Variants in ARFGEF3 observed in about 807,000 individuals in gnomAD.
ARFGEF3 encodes the protein brefeldin A-inhibited guanine nucleotide-exchange protein 3.
Under a neutral mutation model 221.7 loss-of-function variants are expected in ARFGEF3, and 96 were observed. The observed-to-expected ratio is 0.43, with a 90% CI of 0.37 to 0.51. The LOEUF is 0.51. Among genes scored for constraint, ARFGEF3 ranks in the 20% least tolerant of loss-of-function variants. The pLI is 0.00. For missense variants in ARFGEF3, 2,410 were observed against 2,789.9 expected, an observed-to-expected ratio of 0.86 and a Z score of 3.07; for synonymous variants, 1,145 against 1,126.8, an observed-to-expected ratio of 1.02 and a Z score of -0.32.
intron 2 of ARFGEF3, among the ~76,000 whole-genome samples, chr6:138,191,155 G>A (rs770188907): frequency 1.8e-4 from 28 of 151,978 alleles, no homozygotes; most frequent in East Asian, 3.9e-4. Context: ...TTTCCATGCC[G>A]CTTCCTCTTG....
intron 2 of ARFGEF3, among the ~76,000 whole-genome samples, chr6:138,182,767 T>C (rs757664972): frequency 1.8e-4 from 28 of 152,114 alleles, no homozygotes; most frequent in Non-Finnish European, 3.2e-4. Flanking sequence ...TAGGTAACAA[T>C]TGATATGGTT....
Position 138,162,822 on chromosome 6 carries a change from G to C in ARFGEF3, c.85+651G>C, listed in dbSNP as rs976649453. The stretch of plus-strand genomic sequence containing the variant: ...CATCAGACTCAGGTTGCAGAACTCA[G>C]CAGCGGAAAAAAACGGAAAGACATT... On this transcript the variant is annotated intron_variant, in intron 1 of 33. Coordinates refer to ENST00000251691, the MANE Select transcript of ARFGEF3 (RefSeq NM_020340.5). The surrounding 1 kb of genome is among the most constrained non-coding windows in gnomAD (Gnocchi z 4.7). Among the ~76,000 whole-genome samples, 3 of 152,196 alleles carry C rather than the reference G, an allele frequency of 2.0e-5. No homozygotes were observed. Among genetic ancestry groups the C allele is most frequent in the African/African-American group, 7.2e-5 (3 of 41,436 alleles).
At chr6:138,293,556 G>C (rs933842445) in intron 19 of ARFGEF3, among the ~76,000 whole-genome samples, 1 of 152,168 alleles carries the variant, frequency 6.6e-6, no homozygotes, top group African/African-American at 2.4e-5. Context: ...AGCTGTTTTT[G>C]TATCTTTTCC....
intron 4 of ARFGEF3, chr6:138,216,048 A>T (rs1777845516): frequency 6.6e-6 from 1 of 150,610 alleles, no homozygotes; most frequent in Admixed American, 6.6e-5. Context: ...GTGCAATCTC[A>T]GCTCACCGCA....
In ARFGEF3 at chr6:138,296,959, A is replaced by C; in HGVS notation, c.3648+4A>C. 6.2e-7 allele frequency: 1 copy of C among 1,609,404 alleles called. No homozygotes were observed. Among genetic ancestry groups the C allele is most frequent in the South Asian group, 1.1e-5 (1 of 90,188 alleles). On this transcript the variant is annotated splice_donor_region_variant and intron_variant, in intron 21 of 33. Transcript: ENST00000251691. ...TGTGGCCCCACACCTGGTGGAGGTG[A>C]GCACTGGGAAGGTGGGAAGAGGCTG...
At chr6:138,294,327 G>A (rs976188029) in intron 20 of ARFGEF3, among the ~76,000 whole-genome samples, 10 of 152,218 alleles carry the variant, frequency 6.6e-5, no homozygotes, top group Admixed American at 3.3e-4. Flanking sequence ...GAATGGAAAC[G>A]TTGCTGCTAC....
chr6:138,307,147 TA>T, intron 22 of ARFGEF3, 105 bp from the exon 23 acceptor site: 1 of 1,201,870 alleles, frequency 8.3e-7, no homozygotes, highest in Non-Finnish European at 1.2e-6. Flanking sequence ...TCCTTTTCAC[TA>T]AAATTAACTC....
intron 26 of ARFGEF3, among the ~76,000 whole-genome samples, chr6:138,316,921 G>A (rs75128495): frequency 0.042 from 6,338 of 152,274 alleles, 117 homozygotes; most frequent in South Asian, 0.049. Context: ...ATAGATGAAG[G>A]TGATAGAACT....
chr6:138,182,713 C>G (rs1291349013), intron 2 of ARFGEF3, among the ~76,000 whole-genome samples: 1 of 152,192 alleles, frequency 6.6e-6, no homozygotes, highest in Non-Finnish European at 1.5e-5. Context: ...AAATAACTAA[C>G]TCTTACCTCT....
chr6:138,210,164 AT>A, intron 4 of ARFGEF3, 123 bp downstream of exon 4: 1 of 927,280 alleles, frequency 1.1e-6, no homozygotes, highest in Non-Finnish European at 1.6e-6. Context: ...TTTGGAACGG[AT>A]GCTTGTTATT....
At chr6:138,261,791 C>G (rs1778800599) in intron 11 of ARFGEF3, among the ~76,000 whole-genome samples, 152 bp downstream of exon 11, 1 of 152,140 alleles carries the variant, frequency 6.6e-6, no homozygotes, top group African/African-American at 2.4e-5. Context: ...GAAGACATAT[C>G]TCAATTTATT....
At chr6:138,215,630 G>T (rs1777827678) in intron 4 of ARFGEF3, among the ~76,000 whole-genome samples, 1 of 152,080 alleles carries the variant, frequency 6.6e-6, no homozygotes, top group Non-Finnish European at 1.5e-5. Context: ...AGGCTTGTGG[G>T]TGCTAGTCAC....
intron 2 of ARFGEF3, among the ~76,000 whole-genome samples, chr6:138,182,096 CT>C (rs1176517254): frequency 6.6e-6 from 1 of 152,102 alleles, no homozygotes; most frequent in African/African-American, 2.4e-5. Flanking sequence ...CCCACTTAAT[CT>C]TGACAGCACT....
At chr6:138,238,422 T>C in intron 5 of ARFGEF3, 87 bp from the exon 6 acceptor site, 1 of 1,389,538 alleles carries the variant, frequency 7.2e-7, no homozygotes, top group Non-Finnish European at 9.8e-7. Flanking sequence ...AAGAGGGATT[T>C]GATATCCTCT....
Position 138,168,604 on chromosome 6 carries a change from G to A in ARFGEF3, c.86-2058G>A, listed in dbSNP as rs548293640. On this transcript the variant is annotated intron_variant, in intron 1 of 33. Transcript: ENST00000251691. ...CCAAAAGCTAAAAGCCTAGAACAGAGGCTGGTACAGTCATCCAAGTGAGAG... is the reference window on the plus strand; with the variant it reads ...CCAAAAGCTAAAAGCCTAGAACAGAAGCTGGTACAGTCATCCAAGTGAGAG... 6.6e-5 allele frequency among the ~76,000 whole-genome samples: 10 copies of A among 152,328 alleles called. No homozygotes were observed. In the South Asian group the frequency reaches 2.1e-3, roughly 32 times the overall value.
At chr6:138,311,369 G>C in intron 24 of ARFGEF3, 38 bp from the exon 25 acceptor site, 1 of 1,381,170 alleles carries the variant, frequency 7.2e-7, no homozygotes, top group East Asian at 2.4e-5. Flanking sequence ...GCACGCAAGG[G>C]TAACACTGTT....
At chr6:138,172,053 A>T (rs1776846244) in intron 2 of ARFGEF3, among the ~76,000 whole-genome samples, 1 of 152,210 alleles carries the variant, frequency 6.6e-6, no homozygotes, top group African/African-American at 2.4e-5. Flanking sequence ...CTATCTTTTT[A>T]AAAAATTCAT....
chr6:138,313,925 T>C lies in ARFGEF3; in HGVS notation c.4331T>C (p.Phe1444Ser). 1 of 1,613,866 alleles carries C rather than the reference T, an allele frequency of 6.2e-7. No homozygotes were observed. The highest frequency in any genetic ancestry group is 8.5e-7 in the Non-Finnish European group (1 of 1,179,836). ...EDGIESVLSD[F>S]DDDTGLIEVW... Reference sequence around the variant, plus strand: ...GGAATTGAATCAGTCCTGTCTGATTTTGATGATGACACCGGTAAGCTAATT... The same window carrying C: ...GGAATTGAATCAGTCCTGTCTGATTCTGATGATGACACCGGTAAGCTAATT... Residue 1444 changes from phenylalanine (F) to serine (S), a missense_variant, in exon 26 of 34, where the codon TTT becomes TCT. This residue lies in a region of ARFGEF3 where 723 missense variants were observed against 991.9 expected (regional missense o/e 0.73). Coordinates refer to ENST00000251691, the MANE Select transcript of ARFGEF3 (RefSeq NM_020340.5).
intron 2 of ARFGEF3, among the ~76,000 whole-genome samples, chr6:138,205,081 T>G (rs1429001272): frequency 6.6e-6 from 1 of 152,210 alleles, no homozygotes; most frequent in East Asian, 1.9e-4. Flanking sequence ...ATGGCAGTAA[T>G]CCACAGATGG....
Sources: allele counts gnomAD v4.1 joint callset (sites outside exome capture counted in the v4.1 genomes callset), GRCh38; gene constraint gnomAD v4.1.1; regional missense constraint gnomAD v4.1.1; non-coding constraint Gnocchi (gnomAD v3.1); transcripts MANE v1.5; gene names NCBI Gene and HGNC (gene_info 2026-07-23, HGNC 2026-07-21).